TRERF1: variants seen among roughly 807,000 people sequenced by gnomAD.
The protein encoded by TRERF1 is transcriptional-regulating factor 1.
Under a neutral mutation model 122.9 loss-of-function variants are expected in TRERF1, and 27 were observed. The observed-to-expected ratio is 0.22, with a 90% CI of 0.16 to 0.30. The LOEUF (loss-of-function observed/expected upper bound fraction) is 0.30. Ranked by LOEUF, TRERF1 falls within the 10% of genes least tolerant of loss-of-function variation. TRERF1 has a pLI of 1.00. For missense variants in TRERF1, 1,248 were observed against 1,560.3 expected, an observed-to-expected ratio of 0.80 and a Z score of 3.37; for synonymous variants, 636 against 641.7, an observed-to-expected ratio of 0.99 and a Z score of 0.13.
intron 3 of TRERF1, among the ~76,000 whole-genome samples, chr6:42,346,058 G>A (rs1329282875): frequency 2.0e-5 from 3 of 152,242 alleles, no homozygotes; most frequent in Non-Finnish European, 2.9e-5. Flanking sequence ...CTCCCTTAAC[G>A]GCACAGTGCT....
chr6:42,325,404 G>C (rs764943450), intron 3 of TRERF1, among the ~76,000 whole-genome samples: 1 of 152,134 alleles, frequency 6.6e-6, no homozygotes, highest in Non-Finnish European at 1.5e-5. Flanking sequence ...CCTATTACTG[G>C]ATATATACCC....
intron 3 of TRERF1, among the ~76,000 whole-genome samples, chr6:42,309,579 C>T (rs1787877296): frequency 6.6e-6 from 1 of 152,138 alleles, no homozygotes; most frequent in Admixed American, 6.5e-5. Context: ...CTTAGCATCC[C>T]TGGGAATTTA....
intron 4 of TRERF1, among the ~76,000 whole-genome samples, chr6:42,285,120 A>C (rs1055716131): frequency 6.6e-6 from 1 of 152,140 alleles, no homozygotes; most frequent in African/African-American, 2.4e-5. Flanking sequence ...ATGAGCATGA[A>C]ATGTTCTTCC....
intron 3 of TRERF1, among the ~76,000 whole-genome samples, chr6:42,342,112 G>A (rs1767409533): frequency 6.6e-6 from 1 of 152,252 alleles, no homozygotes; most frequent in South Asian, 2.1e-4. Context: ...CTCCCCCTGA[G>A]GGCAGAGGCC....
intron 3 of TRERF1, among the ~76,000 whole-genome samples, chr6:42,335,673 TTC>T (rs1457223912): frequency 6.6e-6 from 1 of 152,144 alleles, no homozygotes; most frequent in Non-Finnish European, 1.5e-5. Context: ...AACTTTGGGA[TTC>T]TCTCTCTTCT....
intron 2 of TRERF1, among the ~76,000 whole-genome samples, chr6:42,375,218 G>A (rs1774621762): frequency 6.6e-6 from 1 of 152,058 alleles, no homozygotes; most frequent in South Asian, 2.1e-4. Flanking sequence ...CCTGGCATAT[G>A]GTAGGCACTT....
intron 9 of TRERF1, among the ~76,000 whole-genome samples, chr6:42,258,486 C>A (rs577691368): frequency 6.6e-6 from 1 of 152,216 alleles, no homozygotes; most frequent in Non-Finnish European, 1.5e-5. Flanking sequence ...GAGATCCTAG[C>A]CTCTCTATGC....
At chr6:42,243,132 C>T (rs1024658202) in intron 15 of TRERF1, 116 bp downstream of exon 15, 1 of 835,166 alleles carries the variant, frequency 1.2e-6, no homozygotes. Flanking sequence ...GCTGTTGTCA[C>T]CTCCTTCCTC....
At chr6:42,433,937 C>G (rs566387777) in intron 2 of TRERF1, among the ~76,000 whole-genome samples, 1 of 152,230 alleles carries the variant, frequency 6.6e-6, no homozygotes, top group Non-Finnish European at 1.5e-5. Flanking sequence ...TCAGGAGGAC[C>G]ACTTGGGCCC....
chr6:42,418,218 C>CTTTTTTTTTTTTTTTTTTTTTTTT (rs34388801), intron 2 of TRERF1, among the ~76,000 whole-genome samples: 1 of 34,656 alleles, frequency 2.9e-5, no homozygotes, highest in Non-Finnish European at 5.0e-5. Context: ...TTTTTCTTTC[C>CTTTTTTTTTTTTTTTTTTTTTTTT]TTTTTTTTTT....
At chr6:42,418,051 G>T (rs547941903) in intron 2 of TRERF1, among the ~76,000 whole-genome samples, 3 of 152,014 alleles carry the variant, frequency 2.0e-5, no homozygotes, top group African/African-American at 7.2e-5. Context: ...CTAACCTCAG[G>T]GGGCATCTGT....
At chr6:42,253,012 G>GGACAGGC (rs1253937122) in intron 13 of TRERF1, among the ~76,000 whole-genome samples, 32 of 152,144 alleles carry the variant, frequency 2.1e-4, no homozygotes, top group Non-Finnish European at 4.3e-4. Context: ...AGGGGACAGG[G>GGACAGGC]GACAGGCAAG....
chr6:42,321,019 G>A (rs1763351937), intron 3 of TRERF1, among the ~76,000 whole-genome samples: 2 of 152,090 alleles, frequency 1.3e-5, no homozygotes. Context: ...ATGACTCAGA[G>A]ACGCCAGAAC....
At chr6:42,385,708 C>A (rs1380646446) in intron 2 of TRERF1, among the ~76,000 whole-genome samples, 2 of 152,148 alleles carry the variant, frequency 1.3e-5, no homozygotes, top group African/African-American at 2.4e-5. Context: ...ACTTTTAAAC[C>A]TACCCCACCA....
intron 2 of TRERF1, among the ~76,000 whole-genome samples, chr6:42,426,956 G>A (rs533361563): frequency 6.6e-6 from 1 of 151,952 alleles, no homozygotes; most frequent in East Asian, 1.9e-4. Context: ...AATTATTATA[G>A]GTTTATTTAC....
chr6:42,256,566 A>G (rs563456695), intron 12 of TRERF1, among the ~76,000 whole-genome samples, 162 bp downstream of exon 12: 32 of 152,132 alleles, frequency 2.1e-4, no homozygotes, highest in African/African-American at 5.5e-4. Context: ...AGACTTTAAC[A>G]TCCTGACCTA....
At chr6:42,403,066 T>C (rs1779643072) in intron 2 of TRERF1, among the ~76,000 whole-genome samples, 1 of 151,016 alleles carries the variant, frequency 6.6e-6, no homozygotes. Flanking sequence ...AGTATTGGGG[T>C]GCAAAAAAGA....
At chr6:42,279,027 T>C (rs1781793988) in intron 4 of TRERF1, among the ~76,000 whole-genome samples, 1 of 152,152 alleles carries the variant, frequency 6.6e-6, no homozygotes. Flanking sequence ...TCTTTAAGAT[T>C]GCAATCTGGG....
intron 12 of TRERF1, 64 bp from the exon 13 acceptor site, chr6:42,254,990 A>T (rs1373656037): frequency 6.5e-7 from 1 of 1,536,408 alleles, no homozygotes; most frequent in Admixed American, 1.7e-5. Context: ...TATGGAGATC[A>T]TCTACCCAAA....
Sources: allele counts gnomAD v4.1 joint callset (sites outside exome capture counted in the v4.1 genomes callset), GRCh38; gene constraint gnomAD v4.1.1; transcripts MANE v1.5; gene names NCBI Gene and HGNC (gene_info 2026-07-23, HGNC 2026-07-21).